PAK1: variants seen among roughly 807,000 people sequenced by gnomAD.
PAK1 encodes the protein p21 (RAC1) activated kinase 1.
In PAK1, 29 loss-of-function variants were observed where a neutral mutation model predicts 67.4. That is an observed-to-expected ratio of 0.43 (90% CI 0.32 to 0.59). The LOEUF (loss-of-function observed/expected upper bound fraction) is 0.59, where lower values mean the gene tolerates loss of function less well. PAK1 is among the 20% of genes least tolerant of loss of function. The probability of loss-of-function intolerance (pLI) is 0.07; values close to 1 mark genes in which losing one functional copy is unlikely to be tolerated. For synonymous variants in PAK1, 223 were observed against 237.4 expected, an observed-to-expected ratio of 0.94 and a Z score of 0.56; for missense variants, 337 against 670.7, an observed-to-expected ratio of 0.50 and a Z score of 5.50.
At chr11:77,339,666 C>T (rs1230988584) in intron 11 of PAK1, among the ~76,000 whole-genome samples, 1 of 152,058 alleles carries the variant, frequency 6.6e-6, no homozygotes. Context: ...TATATAACTA[C>T]ATAATTTCAG....
intron 14 of PAK1, among the ~76,000 whole-genome samples, chr11:77,325,022 A>C (rs555034507): frequency 1.3e-5 from 2 of 152,266 alleles, no homozygotes; most frequent in Admixed American, 1.3e-4. Flanking sequence ...CAGGAGAAAC[A>C]GATGTGAAGC....
At chr11:77,509,213 G>A in the PAK1 span, among the ~76,000 whole-genome samples, 1 of 151,326 alleles carries the variant, frequency 6.6e-6, no homozygotes, top group Non-Finnish European at 1.5e-5. Context: ...AGCCAAGATC[G>A]CGCCACTGCA....
chr11:77,418,316 A>C (rs1194614669), intron 1 of PAK1, among the ~76,000 whole-genome samples: 1 of 152,172 alleles, frequency 6.6e-6, no homozygotes, highest in Non-Finnish European at 1.5e-5. Flanking sequence ...ACCCTCCACT[A>C]AATAGAGTCC....
At chr11:77,405,674 G>GACACACACACACACACAC (rs1555167119) in intron 1 of PAK1, among the ~76,000 whole-genome samples, 1 of 125,892 alleles carries the variant, frequency 7.9e-6, no homozygotes, top group Admixed American at 7.9e-5. Flanking sequence ...CAGACAGACA[G>GACACACACACACACACAC]ACACACACAC....
At chr11:77,353,686 C>A in intron 7 of PAK1, 87 bp from the exon 8 acceptor site, 1 of 1,052,796 alleles carries the variant, frequency 9.5e-7, no homozygotes, top group Non-Finnish European at 1.5e-6. Context: ...CTGTAGCTGG[C>A]AAGGGTTAAA....
intron 1 of PAK1, among the ~76,000 whole-genome samples, chr11:77,435,315 G>A (rs1234614607): frequency 1.3e-5 from 2 of 152,152 alleles, no homozygotes; most frequent in Admixed American, 1.3e-4. Context: ...TCAAGTTGAG[G>A]TCAAATCCTG....
intron 13 of PAK1, among the ~76,000 whole-genome samples, chr11:77,335,072 C>T (rs772594481): frequency 6.6e-6 from 1 of 152,156 alleles, no homozygotes; most frequent in Non-Finnish European, 1.5e-5. Flanking sequence ...CAGGACACTT[C>T]ACCTCCAAGA....
At chr11:77,493,239 C>T in the PAK1 span, among the ~76,000 whole-genome samples, 5 of 150,836 alleles carry the variant, frequency 3.3e-5, no homozygotes, top group African/African-American at 1.2e-4. Flanking sequence ...GCTGGGATTA[C>T]AAGTGTGAGC....
the PAK1 span, among the ~76,000 whole-genome samples, chr11:77,517,440 T>C: frequency 1.3e-5 from 2 of 152,162 alleles, no homozygotes; most frequent in African/African-American, 2.4e-5. Flanking sequence ...CATTCTATTA[T>C]AGGGATGAAG....
At chr11:77,369,259 C>T (rs1307957008) in intron 5 of PAK1, among the ~76,000 whole-genome samples, 1 of 151,916 alleles carries the variant, frequency 6.6e-6, no homozygotes, top group Non-Finnish European at 1.5e-5. Context: ...CTTTCTTCAG[C>T]TGGGAATTTT....
At chr11:77,427,534 G>A (rs987771617) in intron 1 of PAK1, among the ~76,000 whole-genome samples, 2 of 152,152 alleles carry the variant, frequency 1.3e-5, no homozygotes, top group African/African-American at 2.4e-5. Context: ...AGACCTCAGT[G>A]GGACCTGTGA....
intron 1 of PAK1, among the ~76,000 whole-genome samples, chr11:77,413,304 G>GA (rs1365901097): frequency 6.6e-6 from 1 of 152,172 alleles, no homozygotes; most frequent in South Asian, 2.1e-4. Flanking sequence ...TCAGGCAACA[G>GA]AAAATAGTAA....
chr11:77,390,261 G>A (rs1004573877), intron 2 of PAK1, among the ~76,000 whole-genome samples: 2 of 151,902 alleles, frequency 1.3e-5, no homozygotes, highest in African/African-American at 4.8e-5. Context: ...GTGCAATGGC[G>A]CAACCTTGGC....
chr11:77,416,159 A>C (rs550858990), intron 1 of PAK1, among the ~76,000 whole-genome samples: 1 of 152,024 alleles, frequency 6.6e-6, no homozygotes, highest in Non-Finnish European at 1.5e-5. Context: ...TCGTATTTTC[A>C]GTAGAGACGG....
chr11:77,441,293 G>A (rs1020672740), intron 1 of PAK1, among the ~76,000 whole-genome samples: 1 of 152,112 alleles, frequency 6.6e-6, no homozygotes, highest in Non-Finnish European at 1.5e-5. Flanking sequence ...CATCCTATCT[G>A]TAAAAAGGAG....
chr11:77,412,859 G>C (rs2138070883), intron 1 of PAK1, among the ~76,000 whole-genome samples: 1 of 152,316 alleles, frequency 6.6e-6, no homozygotes, highest in East Asian at 1.9e-4. Context: ...AATGTCCAGG[G>C]CTCATACAAT....
chr11:77,364,100 G>C (rs1947173441), intron 5 of PAK1, among the ~76,000 whole-genome samples: 2 of 152,230 alleles, frequency 1.3e-5, no homozygotes, highest in South Asian at 2.1e-4. Flanking sequence ...TGAAGCTACA[G>C]TCCTGAGTAG....
At chr11:77,454,218 A>G (rs1296996992) in intron 1 of PAK1, among the ~76,000 whole-genome samples, 2 of 152,220 alleles carry the variant, frequency 1.3e-5, no homozygotes, top group Non-Finnish European at 2.9e-5. Flanking sequence ...CCCAGTGGTT[A>G]TATTCCCTAT....
At chr11:77,408,349 T>TAC (rs1316334199) in intron 1 of PAK1, 3 of 151,814 alleles carry the variant, frequency 2.0e-5, no homozygotes, top group Non-Finnish European at 4.4e-5. Context: ...CATATATACA[T>TAC]ACACACACAT....
Sources: gnomAD v4.1 joint callset for allele counts (sites outside exome capture counted in the v4.1 genomes callset) on GRCh38, gnomAD v4.1.1 for gene constraint, MANE v1.5 for transcripts, NCBI Gene and HGNC (gene_info 2026-07-23, HGNC 2026-07-21) for gene names.